Variants in MDGA2 observed in about 807,000 individuals in gnomAD.
The protein encoded by MDGA2 is MAM domain containing glycosylphosphatidylinositol anchor 2.
Under a neutral mutation model 117.8 loss-of-function variants are expected in MDGA2, and 40 were observed. The ratio of observed to expected loss-of-function variants is 0.34; its 90% CI spans 0.26 to 0.44. The LOEUF is 0.44. Ranked by LOEUF, MDGA2 falls within the 20% of genes least tolerant of loss-of-function variation. The pLI is 1.00. For missense variants in MDGA2, 1,123 were observed against 1,250.6 expected, an observed-to-expected ratio of 0.90 and a Z score of 1.54; for synonymous variants, 452 against 439.0, an observed-to-expected ratio of 1.03 and a Z score of -0.37.
At chr14:47,399,175 G>A (rs1443449412) in intron 1 of MDGA2, among the ~76,000 whole-genome samples, 1 of 152,100 alleles carries the variant, frequency 6.6e-6, no homozygotes, top group East Asian at 1.9e-4. Flanking sequence ...ATGTACAGAA[G>A]AGAAATGTCA....
chr14:47,443,428 C>T (rs1045635780), intron 1 of MDGA2, among the ~76,000 whole-genome samples: 2 of 152,022 alleles, frequency 1.3e-5, no homozygotes, highest in African/African-American at 2.4e-5. Flanking sequence ...TACTATATGA[C>T]ACTAGGAGAG....
intron 1 of MDGA2, among the ~76,000 whole-genome samples, chr14:47,595,193 G>A (rs962318594): frequency 2.0e-5 from 3 of 151,800 alleles, no homozygotes; most frequent in Non-Finnish European, 2.9e-5. Context: ...TAATAATTGG[G>A]GAGAGATTTT....
At chr14:47,447,941 G>T (rs879260084) in intron 1 of MDGA2, among the ~76,000 whole-genome samples, 1 of 151,996 alleles carries the variant, frequency 6.6e-6, no homozygotes, top group Non-Finnish European at 1.5e-5. Context: ...CTGACAGAAG[G>T]CTCCTAAAAC....
At chr14:47,304,851 T>A (rs1407709369) in intron 1 of MDGA2, among the ~76,000 whole-genome samples, 4 of 152,180 alleles carry the variant, frequency 2.6e-5, no homozygotes, top group Non-Finnish European at 5.9e-5. Context: ...TAAGTGTCTT[T>A]GCTTATAATG....
intron 1 of MDGA2, among the ~76,000 whole-genome samples, chr14:47,644,652 T>A (rs1339664200): frequency 6.6e-6 from 1 of 151,518 alleles, no homozygotes; most frequent in Non-Finnish European, 1.5e-5. Context: ...CACAACAGGG[T>A]GAAGACAGTT....
chr14:47,648,990 A>G lies in MDGA2; in HGVS notation c.280+25527T>C, dbSNP rs540973243. On this transcript the variant is annotated intron_variant, in intron 1 of 16. Coordinates refer to ENST00000399232, the MANE Select transcript of MDGA2 (RefSeq NM_001113498.3). ...TTAACACTTAAAAATGATGGTTTAT[A>G]TATGTATTCTGACCTCATGTCTAGT... 7.2e-5 allele frequency among the ~76,000 whole-genome samples: 11 copies of G among 152,296 alleles called. No homozygotes were observed. The South Asian group carries it at 1.9e-3, about 26-fold the overall frequency.
chr14:47,470,917 T>C (rs180817606), intron 1 of MDGA2, among the ~76,000 whole-genome samples: 36 of 152,276 alleles, frequency 2.4e-4, no homozygotes, highest in Non-Finnish European at 3.8e-4. Context: ...TTATAGGAAA[T>C]TATCAGGGAG....
intron 1 of MDGA2, among the ~76,000 whole-genome samples, chr14:47,502,836 C>T (rs1282531529): frequency 1.3e-5 from 2 of 151,808 alleles, no homozygotes; most frequent in South Asian, 2.1e-4. Context: ...TCACCATGCC[C>T]GAGTAATTTA....
At chr14:46,977,234 C>CTT (rs200128549) in intron 8 of MDGA2, among the ~76,000 whole-genome samples, 2 of 150,662 alleles carry the variant, frequency 1.3e-5, no homozygotes, top group Admixed American at 1.3e-4. Context: ...AATTTCTTCT[C>CTT]TTTTTTTTTA....
intron 1 of MDGA2, among the ~76,000 whole-genome samples, chr14:47,520,714 A>C (rs1378280380): frequency 6.6e-6 from 1 of 152,166 alleles, no homozygotes; most frequent in Non-Finnish European, 1.5e-5. Context: ...TAAATTAAGC[A>C]CTTGACGTGT....
chr14:46,897,899 C>G (rs1883143187), intron 10 of MDGA2, among the ~76,000 whole-genome samples: 1 of 151,300 alleles, frequency 6.6e-6, no homozygotes, highest in Middle Eastern at 3.5e-3. Flanking sequence ...GAAAATTTAC[C>G]AATATAAATG....
chr14:47,248,418 AAG>A (rs1387042343), intron 2 of MDGA2, among the ~76,000 whole-genome samples: 1 of 151,746 alleles, frequency 6.6e-6, no homozygotes, highest in Non-Finnish European at 1.5e-5. Flanking sequence ...AGATTAATGA[AAG>A]AAGACAATTT....
In MDGA2 at chr14:47,430,540, C is replaced by T. The variant is rs184489183; in HGVS notation, c.281-128990G>A. Among the ~76,000 whole-genome samples, 48 of 151,826 alleles carry T rather than the reference C, an allele frequency of 3.2e-4. No homozygotes were observed. The East Asian group carries it at 9.1e-3, about 29-fold the overall frequency. ...TGGGGGTGTAAGAAATTTTAAATAC[C>T]TAAATAAAATTTATTCTCTGTGGAA... On this transcript the variant is annotated intron_variant, in intron 1 of 16. Transcript: ENST00000399232.
At chr14:47,130,439 C>G (rs1192974956) in intron 5 of MDGA2, among the ~76,000 whole-genome samples, 1 of 152,006 alleles carries the variant, frequency 6.6e-6, no homozygotes, top group East Asian at 1.9e-4. Context: ...CATTGCTGAA[C>G]CATAGGAGGG....
At chr14:47,669,363 T>C (rs941811226) in intron 1 of MDGA2, among the ~76,000 whole-genome samples, 4 of 152,252 alleles carry the variant, frequency 2.6e-5, no homozygotes, top group Non-Finnish European at 5.9e-5. Flanking sequence ...AACTTTTATC[T>C]CTGACTGTTA....
At chr14:47,056,011 T>C (rs2138754386) in intron 7 of MDGA2, among the ~76,000 whole-genome samples, 1 of 152,280 alleles carries the variant, frequency 6.6e-6, no homozygotes, top group East Asian at 1.9e-4. Flanking sequence ...ACATAACTTT[T>C]GATTGCAGGG....
chr14:47,167,560 G>C (rs1284515080), intron 3 of MDGA2, among the ~76,000 whole-genome samples: 1 of 152,100 alleles, frequency 6.6e-6, no homozygotes, highest in Non-Finnish European at 1.5e-5. Context: ...GCCAAAAGGA[G>C]CAGAAGGGAG....
chr14:47,267,833 A>C (rs1324070087), intron 2 of MDGA2, among the ~76,000 whole-genome samples: 2 of 152,214 alleles, frequency 1.3e-5, no homozygotes, highest in African/African-American at 2.4e-5. Flanking sequence ...CAAAATATAA[A>C]GCACTTAAAA....
intron 8 of MDGA2, among the ~76,000 whole-genome samples, chr14:46,968,403 T>G (rs900696859): frequency 3.9e-5 from 6 of 152,070 alleles, no homozygotes; most frequent in African/African-American, 1.4e-4. Context: ...AACATAGTAC[T>G]GGATGTCCGA....
Sources: allele counts gnomAD v4.1 joint callset (sites outside exome capture counted in the v4.1 genomes callset), GRCh38; gene constraint gnomAD v4.1.1; transcripts MANE v1.5; gene names NCBI Gene and HGNC (gene_info 2026-07-23, HGNC 2026-07-21).